Variants in PGF observed in about 807,000 individuals in gnomAD.
PGF encodes the protein placental growth factor.
A neutral mutation model predicts 25.3 loss-of-function variants in PGF; 11 were observed. The ratio of observed to expected loss-of-function variants is 0.43; its 90% CI spans 0.27 to 0.72. The LOEUF is 0.72. PGF is among the 30% of genes least tolerant of loss of function. The pLI is 0.18. For missense variants in PGF, 230 were observed against 234.9 expected (o/e 0.98, Z 0.14); for synonymous variants, 105 against 97.9 (o/e 1.07, Z -0.43).
chr14:74,944,195 C>CG (rs1888667515), intron 6 of PGF, among the ~76,000 whole-genome samples: 2 of 151,272 alleles, frequency 1.3e-5, no homozygotes, highest in South Asian at 4.2e-4. Flanking sequence ...TTCCGCCTCC[C>CG]GGGTTCATGC....
At chr14:74,954,051 C>T in intron 1 of PGF, 105 bp from the exon 2 acceptor site, 2 of 1,011,924 alleles carry the variant, frequency 2.0e-6, no homozygotes, top group Non-Finnish European at 3.1e-6. Context: ...GGTTCCTTCC[C>T]ACTTGCTGCA....
chr14:74,945,784 A>G (rs1047330880), intron 6 of PGF: 61 of 166,414 alleles, frequency 3.7e-4, no homozygotes, highest in Middle Eastern at 5.4e-3. Flanking sequence ...GCTACTAGGA[A>G]GTGGCCCCAG....
At position 74,950,405 on chromosome 14, in the gene PGF, C is replaced by T. The variant is rs559151281; in HGVS notation, c.119-852G>A. On this transcript the variant is annotated intron_variant, in intron 2 of 6. Coordinates refer to ENST00000555567, the MANE Select transcript of PGF (RefSeq NM_002632.6). This position sits in a 1 kb window ranked among gnomAD's most constrained non-coding sequence, Gnocchi z 4.1. ...CCATGAGGGCAGAGATGGACGTACC[C>T]GTAAACACAGGCTAAGTCACTCCTG... Among the ~76,000 whole-genome samples, 11 of 152,304 alleles carry T rather than the reference C, an allele frequency of 7.2e-5. No individual in the cohort carries two copies. Among genetic ancestry groups the T allele is most frequent in the South Asian group, 2.1e-4 (1 of 4,826 alleles).
intron 6 of PGF, chr14:74,945,455 T>C (rs1888710277): frequency 6.6e-6 from 1 of 152,160 alleles, no homozygotes; most frequent in African/African-American, 2.4e-5. Context: ...GTGGGGCTCA[T>C]GGGGTCAGGG....
rs778992948 is a variant in PGF at position 74,950,282 on chromosome 14, A to G, written c.119-729T>C. ...TCCCCAGCAATTCCAGTGCACACAG[A>G]TGAGCCTCCCTTGAGCACTGCTTGG... On this transcript the variant is annotated intron_variant, in intron 2 of 6. Transcript: ENST00000555567. The surrounding 1 kb of genome is among the most constrained non-coding windows in gnomAD (Gnocchi z 4.1). Among the ~76,000 whole-genome samples the G allele has an allele frequency of 1.3e-5, 2 of 152,210 alleles. No homozygotes were observed. Among genetic ancestry groups the G allele is most frequent in the Non-Finnish European group, 2.9e-5 (2 of 68,030 alleles).
intron 2 of PGF, among the ~76,000 whole-genome samples, chr14:74,951,025 C>T (rs935577888): frequency 3.3e-5 from 5 of 152,180 alleles, no homozygotes; most frequent in South Asian, 4.1e-4. Flanking sequence ...CTGGTAATCT[C>T]GGAAGAAAAA....
intron 6 of PGF, chr14:74,944,627 C>G (rs1888684756): frequency 1.3e-5 from 2 of 151,708 alleles, no homozygotes; most frequent in African/African-American, 2.4e-5. Context: ...CTCACTGCAG[C>G]CTTGACCTCC....
rs753138332 is a variant in PGF, at chr14:74,946,237, T to C, written c.461A>G (p.Lys154Arg). 1 of 1,614,140 alleles carries C rather than the reference T, an allele frequency of 6.2e-7. No individual in the cohort carries two copies. Among genetic ancestry groups the C allele is most frequent in the East Asian group, 2.2e-5 (1 of 44,876 alleles). The change falls in exon 6 of 7, where the codon AAG becomes AGG. Residue 154 changes from lysine to arginine, a missense_variant. By Grantham distance (26) the Lys-to-Arg change is conservative. Transcript: ENST00000555567. ...PKGRGKRRRE[K>R]QRPTDCHLCG... ...CAGGTGGCAGTCTGTGGGTCTCTGC[T>C]TCTCTCTCCTCCTCTTCCCCCTGCC... is the stretch of plus-strand genomic sequence containing the variant.
In PGF at chr14:74,946,403, A is replaced by T. The variant is rs1392221971; in HGVS notation, c.398T>A (p.Leu133Gln). 2 of 1,610,448 alleles carry T rather than the reference A, an allele frequency of 1.2e-6. No individual in the cohort carries two copies. Among genetic ancestry groups the T allele is most frequent in the Non-Finnish European group, 1.7e-6 (2 of 1,177,834 alleles). The change falls in exon 5 of 7, where the codon CTG becomes CAG. Residue 133 changes from leucine (L) to glutamine (Q), a missense_variant. Transcript: ENST00000555567. ...SQHVRCECRP[L>Q]REKMKPERRR... is the part of the protein sequence containing the mutation. The stretch of plus-strand genomic sequence containing the variant: ...CCTTTCCGGCTTCATCTTCTCCCGC[A>T]GAGGCCTAGGGAAACAGACAGAGAG...
chr14:74,946,620 A>G, intron 4 of PGF: 1 of 634,418 alleles, frequency 1.6e-6, no homozygotes, highest in Non-Finnish European at 2.9e-6. Context: ...CCCCACCACG[A>G]GAGGGACAAA....
At chr14:74,949,252 CT>C in intron 3 of PGF, 104 bp downstream of exon 3, 1 of 969,868 alleles carries the variant, frequency 1.0e-6, no homozygotes, top group Non-Finnish European at 1.5e-6. Flanking sequence ...GAGCACTGGC[CT>C]GGGAGTCAGG....
upstream of PGF, chr14:74,955,749 C>G: frequency 6.6e-6 from 1 of 152,266 alleles, no homozygotes; most frequent in South Asian, 2.0e-4. This position sits in a 1 kb window ranked among gnomAD's most constrained non-coding sequence, Gnocchi z 4.1. Flanking sequence ...CGCCGGAGCC[C>G]GCAGTGCGTG....
In PGF at chr14:74,953,962, TGCAGAGGTGAGCTGGG is replaced by T; in HGVS notation, c.76-32_76-17del. 1 of 1,613,652 alleles carries T rather than the reference TGCAGAGGTGAGCTGGG, an allele frequency of 6.2e-7. No homozygotes were observed. The highest frequency in any genetic ancestry group is 8.5e-7 in the Non-Finnish European group (1 of 1,179,844). ...AGGCCCACTGCTATGGACAGAAAAG[TGCAGAGGTGAGCTGGG>T]GGTACCTTGGAGCTCTGCACTCTTG... On this transcript the variant is annotated splice_polypyrimidine_tract_variant and intron_variant, in intron 1 of 6. Transcript: ENST00000555567. This position sits in a 1 kb window ranked among gnomAD's most constrained non-coding sequence, Gnocchi z 5.4.
intron 4 of PGF, chr14:74,946,812 C>T (rs763266512): frequency 4.5e-5 from 33 of 736,226 alleles, no homozygotes; most frequent in East Asian, 3.0e-4. Flanking sequence ...GGCCAGACAG[C>T]GGACTGGCTG....
At chr14:74,951,625 G>A (rs1417428715) in intron 2 of PGF, among the ~76,000 whole-genome samples, 1 of 152,230 alleles carries the variant, frequency 6.6e-6, no homozygotes, top group Admixed American at 6.5e-5. Context: ...GGGCTGCGGG[G>A]CCATGGCCAC....
rs777134198 is a variant in PGF at position 74,946,889 on chromosome 14, G to A, written c.393-481C>T. On this transcript the variant is annotated intron_variant, in intron 4 of 6. Transcript: ENST00000555567. ...GAGTGAGCGACGGGGTGGGAGGAAG[G>A]AGGGAGCATCAGCCCTGAAGTCACC... 3.9e-6 allele frequency: 3 copies of A among 759,920 alleles called. No individual in the cohort carries two copies. In the African/African-American group the frequency reaches 5.1e-5, roughly 13 times the overall value. The allele number at this position is 759,920 out of a possible 1,614,324, so 47.1% of individuals were successfully genotyped here. A position where few individuals can be genotyped will look rare whatever the true frequency, so the allele number is the denominator to read the frequency against.
At position 74,950,088 on chromosome 14, in the gene PGF, C is replaced by T. The variant is rs1033641896; in HGVS notation, c.119-535G>A. 1.3e-5 allele frequency among the ~76,000 whole-genome samples: 2 copies of T among 152,194 alleles called. No individual in the cohort carries two copies. The highest frequency in any genetic ancestry group is 2.4e-5 in the African/African-American group (1 of 41,430). On this transcript the variant is annotated intron_variant, in intron 2 of 6. Transcript: ENST00000555567. This position sits in a 1 kb window ranked among gnomAD's most constrained non-coding sequence, Gnocchi z 4.1. ...GCCCGACCCTCCTCTCCACTGAGTC[C>T]AACCAGCGCTCACACTGAGCCACGG...
chr14:74,946,587 A>T (rs1594985586), intron 4 of PGF, 179 bp from the exon 5 acceptor site: 1 of 640,748 alleles, frequency 1.6e-6, no homozygotes, highest in East Asian at 2.7e-5. Flanking sequence ...TCAAGGCTTC[A>T]CTCCCACTCC....
rs1888839735 is a variant in PGF, at chr14:74,950,110, A to T, written c.119-557T>A. ...GTCCAACCAGCGCTCACACTGAGCC[A>T]CGGCAGCACCACATTCACTCCCAGC... On this transcript the variant is annotated intron_variant, in intron 2 of 6. Transcript: ENST00000555567. This position sits in a 1 kb window ranked among gnomAD's most constrained non-coding sequence, Gnocchi z 4.1. Among the ~76,000 whole-genome samples the T allele has an allele frequency of 6.6e-6, 1 of 152,140 alleles. No individual in the cohort carries two copies. Among genetic ancestry groups the T allele is most frequent in the Admixed American group, 6.5e-5 (1 of 15,278 alleles).
Sources: allele counts gnomAD v4.1 joint callset (sites outside exome capture counted in the v4.1 genomes callset), GRCh38; gene constraint gnomAD v4.1.1; non-coding constraint Gnocchi (gnomAD v3.1); transcripts MANE v1.5; gene names NCBI Gene and HGNC (gene_info 2026-07-23, HGNC 2026-07-21).